Variants in USF3 observed in about 807,000 individuals in gnomAD.
USF3 encodes upstream transcription factor family member 3.
A neutral mutation model predicts 157.5 loss-of-function variants in USF3; 29 were observed. That is an observed-to-expected ratio of 0.18 (90% confidence interval 0.14 to 0.25). The LOEUF (loss-of-function observed/expected upper bound fraction) is 0.25, where lower values mean the gene tolerates loss of function less well. Among genes scored for constraint, USF3 ranks in the 10% least tolerant of loss-of-function variants. USF3 has a pLI of 1.00. For missense variants in USF3, 2,381 were observed against 2,667.6 expected (o/e 0.89, Z 2.37); for synonymous variants, 893 against 941.4 (o/e 0.95, Z 0.94).
In USF3 at chr3:113,650,356, G is replaced by C. The variant is rs144130930; in HGVS notation, c.*4588C>G. On this transcript the variant is annotated 3_prime_UTR_variant, in exon 7 of 7. Transcript: ENST00000316407. ...AATACAAGGCATACTGGTTCCCAAA[G>C]CCAAGACTTGGGAATCACTGATTTG... 1 of 154,762 alleles carries C rather than the reference G, an allele frequency of 6.5e-6. No individual in the cohort carries two copies. The highest frequency in any genetic ancestry group is 1.4e-5 in the Non-Finnish European group (1 of 69,994). 9.6% of individuals were successfully genotyped at this position (154,762 alleles called of 1,614,324 possible).
At position 113,659,543 on chromosome 3, in the gene USF3, G is replaced by A. The variant is rs1947438224; in HGVS notation, c.2139C>T (p.Ser713=). 1.5e-5 allele frequency: 24 copies of A among 1,614,058 alleles called. No individual in the cohort carries two copies. The highest frequency in any genetic ancestry group is 1.9e-5 in the Non-Finnish European group (23 of 1,180,030). ...CCATCTGTGATATGCTTTGATTGAGGCTGGCCAAAGCACCAAATGTATTCA... is the reference window on the plus strand; with the variant it reads ...CCATCTGTGATATGCTTTGATTGAGACTGGCCAAAGCACCAAATGTATTCA... ...VALNTFGALA[S]LNQSISQMAG... The change falls in exon 7 of 7, where the codon AGC becomes AGT. Residue 713 remains serine (S), a synonymous_variant. Transcript: ENST00000316407.
Position 113,650,830 on chromosome 3 carries a change from T to C in USF3, c.*4114A>G, listed in dbSNP as rs1258808723. 1 of 152,170 alleles carries C rather than the reference T, an allele frequency of 6.6e-6. No individual in the cohort carries two copies. Among genetic ancestry groups the C allele is most frequent in the Non-Finnish European group, 1.5e-5 (1 of 68,024 alleles). 9.4% of individuals were successfully genotyped at this position (152,170 alleles called of 1,614,324 possible). A position where few individuals can be genotyped will look rare whatever the true frequency, so the allele number is the denominator to read the frequency against. On this transcript the variant is annotated 3_prime_UTR_variant, in exon 7 of 7. Transcript: ENST00000316407. ...TGCAAAAAAATAACCCCCTCCTTTC[T>C]CTTTCCCCAGTTCTGATATGTTAAA...
Position 113,650,347 on chromosome 3 carries a change from G to A in USF3, c.*4597C>T, listed in dbSNP as rs912547743. On this transcript the variant is annotated 3_prime_UTR_variant, in exon 7 of 7. Coordinates refer to ENST00000316407, the MANE Select transcript of USF3 (RefSeq NM_001009899.4). ...TTTTAAGAGAATACAAGGCATACTG[G>A]TTCCCAAAGCCAAGACTTGGGAATC... 6.5e-6 allele frequency: 1 copy of A among 155,020 alleles called. No individual in the cohort carries two copies. Among genetic ancestry groups the A allele is most frequent in the Non-Finnish European group, 1.4e-5 (1 of 70,152 alleles). 9.6% of individuals were successfully genotyped at this position (155,020 alleles called of 1,614,324 possible). A position where few individuals can be genotyped will look rare whatever the true frequency, so the allele number is the denominator to read the frequency against.
chr3:113,660,670 A>C lies in USF3; in HGVS notation c.1012T>G (p.Ser338Ala), dbSNP rs2107926453. 6.2e-7 allele frequency: 1 copy of C among 1,614,190 alleles called. No individual in the cohort carries two copies. Among genetic ancestry groups the C allele is most frequent in the Non-Finnish European group, 8.5e-7 (1 of 1,180,034 alleles). The change falls in exon 7 of 7, where the codon TCA (serine) becomes GCA (alanine). Residue 338 changes from serine to alanine, a missense_variant. Coordinates refer to ENST00000316407, the MANE Select transcript of USF3 (RefSeq NM_001009899.4). ...TGCGAGCAGACTGTGGTGGTAACTGAAACAACAAAAGTGTTTTGAAAATCA... is the reference window on the plus strand; with the variant it reads ...TGCGAGCAGACTGTGGTGGTAACTGCAACAACAAAAGTGTTTTGAAAATCA... ...RGDFQNTFVVSVTTTVCSQPP... is the reference protein window; with the variant it reads ...RGDFQNTFVVAVTTTVCSQPP...
chr3:113,677,616 T>C (rs1328376986), intron 1 of USF3, among the ~76,000 whole-genome samples: 1 of 152,208 alleles, frequency 6.6e-6, no homozygotes, highest in Non-Finnish European at 1.5e-5. Flanking sequence ...GATGGTAGTC[T>C]TACAGCCAAC....
Position 113,658,635 on chromosome 3 carries a change from T to G in USF3, c.3047A>C (p.Asn1016Thr), listed in dbSNP as rs767340197. ...TLLSDLAKKK[N>T]PQKSSLSDQM... ...ATCAGAAAGAGATGATTTCTGAGGG[T>G]TTTTTTTTTTAGCAAGATCAGATAG... The change falls in exon 7 of 7, where the codon AAC (asparagine) becomes ACC (threonine). Residue 1016 changes from asparagine to threonine, a missense_variant. Physicochemically the swap from Asn to Thr is moderately conservative, Grantham distance 65 (BLOSUM62 0). Transcript: ENST00000316407. The G allele has an allele frequency of 7.4e-6, 8 of 1,085,368 alleles. No individual in the cohort carries two copies. The highest frequency in any genetic ancestry group is 6.6e-6 in the Non-Finnish European group (5 of 756,738). 67.2% of individuals were successfully genotyped at this position (1,085,368 alleles called of 1,614,324 possible).
At chr3:113,665,770 G>A (rs1448381300) in intron 5 of USF3, among the ~76,000 whole-genome samples, 1 of 152,242 alleles carries the variant, frequency 6.6e-6, no homozygotes, top group Non-Finnish European at 1.5e-5. Flanking sequence ...AGAGATTGCT[G>A]TGAAGTGAGA....
chr3:113,658,614 G>C lies in USF3; in HGVS notation c.3068C>G (p.Ser1023Cys), dbSNP rs768222351. ...KKKNPQKSSLSDQMDHPDFSS... is the reference protein window; with the variant it reads ...KKKNPQKSSLCDQMDHPDFSS... ...AAAGTCAGGATGATCCATCTGATCA[G>C]AAAGAGATGATTTCTGAGGGTTTTT... Residue 1023 changes from serine (S) to cysteine (C), a missense_variant, in exon 7 of 7, where the codon TCT becomes TGT. Physicochemically the swap from Ser to Cys is moderately radical, Grantham distance 112 (BLOSUM62 -1). Transcript: ENST00000316407. 6.2e-7 allele frequency: 1 copy of C among 1,612,702 alleles called. No homozygotes were observed. The highest frequency in any genetic ancestry group is 8.5e-7 in the Non-Finnish European group (1 of 1,179,520).
rs778213520 is a variant in USF3, at chr3:113,659,725, A to G, written c.1957T>C (p.Ser653Pro). The G allele has an allele frequency of 3.7e-6, 6 of 1,614,262 alleles. No homozygotes were observed. Among genetic ancestry groups the G allele is most frequent in the Non-Finnish European group, 5.1e-6 (6 of 1,180,046 alleles). Residue 653 changes from serine (S) to proline (P), a missense_variant, in exon 7 of 7, where the codon TCT becomes CCT. By Grantham distance (74) the Ser-to-Pro change is moderately conservative. Around this residue, in one of 6 missense-constraint regions of USF3, gnomAD observed 1,435 missense variants for 1,550.9 expected, o/e 0.93. Transcript: ENST00000316407. Reference sequence around the variant, plus strand: ...GGCTGTTGGTTTGACATGGTAACAGAAAAAGTTTGTGTTGAGTTAGACGCT... The same window carrying G: ...GGCTGTTGGTTTGACATGGTAACAGGAAAAGTTTGTGTTGAGTTAGACGCT... ...LSASNSTQTF[S>P]VTMSNQQPQT...
chr3:113,679,050 G>T (rs1707350106), intron 1 of USF3, among the ~76,000 whole-genome samples: 1 of 137,264 alleles, frequency 7.3e-6, no homozygotes, highest in Non-Finnish European at 1.6e-5. Context: ...TCCAACTCCT[G>T]GCCTCAAGCG....
chr3:113,695,689 A>G (rs1707782332), intron 1 of USF3, among the ~76,000 whole-genome samples: 1 of 152,198 alleles, frequency 6.6e-6, no homozygotes, highest in African/African-American at 2.4e-5. Context: ...TGTAACGAGG[A>G]GGGTTGGGAG....
rs1707800406 is a variant in USF3, at chr3:113,696,361, G to A, written c.-135+9C>T. 6.9e-6 allele frequency: 1 copy of A among 144,608 alleles called. No homozygotes were observed. 9.0% of individuals were successfully genotyped at this position (144,608 alleles called of 1,614,324 possible). A position where few individuals can be genotyped will look rare whatever the true frequency, so the allele number is the denominator to read the frequency against. On this transcript the variant is annotated intron_variant, in intron 1 of 6. Transcript: ENST00000316407. ...CGGCTGTCAGCGGCCCCCTCCCGCA[G>A]TCACTTACCCGCCGGCTGCGCGGTC... is the stretch of plus-strand genomic sequence containing the variant.
intron 5 of USF3, among the ~76,000 whole-genome samples, chr3:113,669,065 TA>T (rs1327333611): frequency 6.6e-6 from 1 of 152,110 alleles, no homozygotes; most frequent in Non-Finnish European, 1.5e-5. Context: ...GGTAATTATT[TA>T]CTCCACCCAA....
chr3:113,680,063 T>C lies in USF3; in HGVS notation c.-134-2666A>G, dbSNP rs191955470. On this transcript the variant is annotated intron_variant, in intron 1 of 6. Transcript: ENST00000316407. ...TTGGCCTGTAGTTTTCTTTTTTTTTTTTTTTTTTTTTTTTGATGTGTCTTT... is the reference window on the plus strand; with the variant it reads ...TTGGCCTGTAGTTTTCTTTTTTTTTCTTTTTTTTTTTTTTGATGTGTCTTT... 1.3e-3 allele frequency among the ~76,000 whole-genome samples: 196 copies of C among 145,662 alleles called. 2 individuals carry two copies. The highest frequency in any genetic ancestry group is 4.6e-3 in the African/African-American group (179 of 39,340).
At chr3:113,663,349 T>C (rs1177129242) in intron 6 of USF3, among the ~76,000 whole-genome samples, 1 of 152,238 alleles carries the variant, frequency 6.6e-6, no homozygotes, top group Non-Finnish European at 1.5e-5. Flanking sequence ...CATTCTGTCT[T>C]ACATCCCTTC....
At position 113,658,947 on chromosome 3, in the gene USF3, G is replaced by C; in HGVS notation, c.2735C>G (p.Ser912Cys). 6.2e-7 allele frequency: 1 copy of C among 1,614,144 alleles called. No homozygotes were observed. Among genetic ancestry groups the C allele is most frequent in the Non-Finnish European group, 8.5e-7 (1 of 1,180,008 alleles). The change falls in exon 7 of 7, where the codon TCT becomes TGT. Residue 912 changes from serine to cysteine, a missense_variant. Around this residue, in one of 6 missense-constraint regions of USF3, gnomAD observed 1,435 missense variants for 1,550.9 expected, o/e 0.93. Transcript: ENST00000316407. ...TGTCTCTTGTTGTAGATTAGGGGTA[G>C]AATCTTTGGATTTTGCTGCGGCCAT... is the stretch of plus-strand genomic sequence containing the variant. ...FAMAAAKSKDSTPNLQQETSQ... is the reference protein window; with the variant it reads ...FAMAAAKSKDCTPNLQQETSQ...
chr3:113,694,398 C>T (rs1577058297), intron 1 of USF3, among the ~76,000 whole-genome samples: 1 of 152,286 alleles, frequency 6.6e-6, no homozygotes, highest in South Asian at 2.1e-4. Flanking sequence ...GGTCTACAAC[C>T]TTAGAATTTT....
chr3:113,667,815 C>T (rs1421138701), intron 5 of USF3, among the ~76,000 whole-genome samples: 3 of 151,962 alleles, frequency 2.0e-5, no homozygotes, highest in African/African-American at 7.3e-5. Context: ...TGCAGTGAGC[C>T]GAGATCATGC....
intron 1 of USF3, among the ~76,000 whole-genome samples, chr3:113,678,636 C>T (rs1327976013): frequency 1.3e-5 from 2 of 152,018 alleles, no homozygotes; most frequent in Non-Finnish European, 2.9e-5. Context: ...TTTCATAAAT[C>T]CCTGTCCACT....
Sources: gnomAD v4.1 joint callset for allele counts (sites outside exome capture counted in the v4.1 genomes callset) on GRCh38, gnomAD v4.1.1 for gene constraint, gnomAD v4.1.1 regional missense constraint, MANE v1.5 for transcripts, NCBI Gene and HGNC (gene_info 2026-07-23, HGNC 2026-07-21) for gene names.